Variants in NELL1 observed in about 807,000 individuals in gnomAD.
NELL1 encodes the protein neural EGFL like 1, also known as protein kinase C-binding protein NELL1.
Under a neutral mutation model 107.4 loss-of-function variants are expected in NELL1, and 76 were observed. The observed-to-expected ratio is 0.71, with a 90% CI of 0.59 to 0.86. The LOEUF (loss-of-function observed/expected upper bound fraction) is 0.86, where lower values mean the gene tolerates loss of function less well. Ranked by LOEUF, NELL1 falls within the 40% of genes least tolerant of loss-of-function variation. NELL1 has a pLI of 0.00. For synonymous variants in NELL1, 353 were observed against 341.2 expected, an observed-to-expected ratio of 1.03 and a Z score of -0.38; for missense variants, 1,024 against 1,005.5, an observed-to-expected ratio of 1.02 and a Z score of -0.25.
At chr11:21,542,447 A>C (rs1467045955) in intron 16 of NELL1, among the ~76,000 whole-genome samples, 2 of 152,068 alleles carry the variant, frequency 1.3e-5, no homozygotes, top group Non-Finnish European at 2.9e-5. Context: ...TGAGACCCAG[A>C]TGGACAGTTA....
intron 17 of NELL1, among the ~76,000 whole-genome samples, chr11:21,561,256 A>C (rs967345228): frequency 1.1e-4 from 17 of 152,042 alleles, no homozygotes; most frequent in African/African-American, 4.1e-4. Flanking sequence ...AGCTGAAATG[A>C]GCCTTAAGAA....
At chr11:21,519,973 A>T (rs1420915670) in intron 15 of NELL1, among the ~76,000 whole-genome samples, 1 of 152,164 alleles carries the variant, frequency 6.6e-6, no homozygotes, top group African/African-American at 2.4e-5. Context: ...GACAACAATA[A>T]ATACCCATAT....
At chr11:21,546,687 C>G (rs1012961955) in intron 16 of NELL1, among the ~76,000 whole-genome samples, 4 of 152,008 alleles carry the variant, frequency 2.6e-5, no homozygotes, top group African/African-American at 9.7e-5. Context: ...CCATGTGGAA[C>G]TGTGAGTCAA....
intron 7 of NELL1, among the ~76,000 whole-genome samples, chr11:20,924,526 G>T (rs1850448647): frequency 6.6e-6 from 1 of 152,170 alleles, no homozygotes; most frequent in South Asian, 2.1e-4. Flanking sequence ...AGCTTTGTGG[G>T]ACAGTGCTAG....
At chr11:21,270,352 A>T (rs1243485154) in intron 14 of NELL1, among the ~76,000 whole-genome samples, 1 of 152,146 alleles carries the variant, frequency 6.6e-6, no homozygotes, top group Non-Finnish European at 1.5e-5. Context: ...AATATATATC[A>T]TGCTAATACT....
intron 15 of NELL1, among the ~76,000 whole-genome samples, chr11:21,512,499 T>C (rs1444978819): frequency 6.6e-6 from 1 of 152,168 alleles, no homozygotes; most frequent in Non-Finnish European, 1.5e-5. Flanking sequence ...TATTTTCTTA[T>C]ATTGTAATTA....
intron 14 of NELL1, among the ~76,000 whole-genome samples, chr11:21,334,026 A>G (rs1450004058): frequency 6.6e-6 from 1 of 152,050 alleles, no homozygotes; most frequent in Non-Finnish European, 1.5e-5. Flanking sequence ...TGTGCATTGG[A>G]GTTCATTCAT....
At chr11:21,349,950 C>T (rs1434349892) in intron 14 of NELL1, among the ~76,000 whole-genome samples, 1 of 152,002 alleles carries the variant, frequency 6.6e-6, no homozygotes, top group Non-Finnish European at 1.5e-5. Flanking sequence ...ATTAACTGTG[C>T]ACCTCTTAAA....
chr11:21,050,543 C>T (rs556829327), intron 12 of NELL1, among the ~76,000 whole-genome samples: 1 of 152,074 alleles, frequency 6.6e-6, no homozygotes, highest in African/African-American at 2.4e-5. Context: ...GAAATTATTT[C>T]TAAATCTTCT....
At chr11:21,367,802 G>A (rs1851262688) in intron 14 of NELL1, among the ~76,000 whole-genome samples, 1 of 152,008 alleles carries the variant, frequency 6.6e-6, no homozygotes, top group South Asian at 2.1e-4. Context: ...AATAAATATA[G>A]AGCCAGAATT....
In NELL1 at chr11:21,519,508, T is replaced by TTTTG. The variant is rs71034527; in HGVS notation, c.1646-14846_1646-14843dup. Among the ~76,000 whole-genome samples the TTTTG allele has an allele frequency of 1.3e-3, 203 of 150,444 alleles. 1 individual carries two copies. Among genetic ancestry groups the TTTTG allele is most frequent in the African/African-American group, 9.7e-4 (40 of 41,192 alleles). The stretch of plus-strand genomic sequence containing the variant: ...CCCTTGGGCTAGGAGATAGGCTTCC[T>TTTTG]TTTGTTTGTTTGTTTGTTTGTTTTG... On this transcript the variant is annotated intron_variant, in intron 15 of 19. Transcript: ENST00000357134.
At chr11:21,062,193 A>G (rs1211248558) in intron 12 of NELL1, among the ~76,000 whole-genome samples, 1 of 152,228 alleles carries the variant, frequency 6.6e-6, no homozygotes, top group African/African-American at 2.4e-5. Flanking sequence ...TAATGTGAAA[A>G]AGTAAAATCA....
At chr11:21,563,509 C>T (rs1028438834) in intron 17 of NELL1, among the ~76,000 whole-genome samples, 2 of 151,628 alleles carry the variant, frequency 1.3e-5, no homozygotes, top group Non-Finnish European at 2.9e-5. Context: ...CAACCAACCC[C>T]AGATCAAAAG....
intron 4 of NELL1, among the ~76,000 whole-genome samples, chr11:20,874,004 A>G (rs555205219): frequency 2.0e-5 from 3 of 151,880 alleles, no homozygotes; most frequent in Admixed American, 6.6e-5. Flanking sequence ...GGTTCGAGCA[A>G]TCCTCCCTCC....
chr11:21,024,035 G>A (rs1381033563), intron 12 of NELL1, among the ~76,000 whole-genome samples: 1 of 151,818 alleles, frequency 6.6e-6, no homozygotes, highest in Non-Finnish European at 1.5e-5. Context: ...TCTTACAAAA[G>A]CCTTGCTACA....
chr11:20,914,108 G>A lies in NELL1; in HGVS notation c.604-4074G>A, dbSNP rs932858317. On this transcript the variant is annotated intron_variant, in intron 5 of 19. Coordinates refer to ENST00000357134, the MANE Select transcript of NELL1 (RefSeq NM_006157.5). ...AGCATATTGTAGTGACCCAGCACTG[G>A]TTTTGGAGTGTTAATCGAAAAGTGT... is the stretch of plus-strand genomic sequence containing the variant. Among the ~76,000 whole-genome samples the A allele has an allele frequency of 2.0e-5, 3 of 152,050 alleles. No individual in the cohort carries two copies. In the South Asian group the frequency reaches 6.2e-4, roughly 32 times the overall value.
At chr11:21,052,617 G>A (rs1853522379) in intron 12 of NELL1, among the ~76,000 whole-genome samples, 1 of 152,168 alleles carries the variant, frequency 6.6e-6, no homozygotes, top group Non-Finnish European at 1.5e-5. Flanking sequence ...GCTGTGCTGT[G>A]AAGGAAATAA....
At chr11:21,271,301 A>C (rs909057898) in intron 14 of NELL1, among the ~76,000 whole-genome samples, 2 of 152,198 alleles carry the variant, frequency 1.3e-5, no homozygotes, top group African/African-American at 4.8e-5. Context: ...AATGAAAAAG[A>C]GGATATCACT....
At chr11:21,384,667 A>G (rs573264440) in intron 15 of NELL1, among the ~76,000 whole-genome samples, 16 of 151,846 alleles carry the variant, frequency 1.1e-4, no homozygotes, top group Admixed American at 6.6e-4. Context: ...TCATTGTTCA[A>G]TTCCCACCTA....
Sources: gnomAD v4.1 joint callset for allele counts (sites outside exome capture counted in the v4.1 genomes callset) on GRCh38, gnomAD v4.1.1 for gene constraint, MANE v1.5 for transcripts, NCBI Gene and HGNC (gene_info 2026-07-23, HGNC 2026-07-21) for gene names.